AKAP12: variants seen among roughly 807,000 people sequenced by gnomAD.
The protein encoded by AKAP12 is A-kinase anchoring protein 12.
In AKAP12, 32 loss-of-function variants were observed where a neutral mutation model predicts 79.9. The ratio of observed to expected loss-of-function variants is 0.40; its 90% CI spans 0.30 to 0.54. The LOEUF (loss-of-function observed/expected upper bound fraction) is 0.54. AKAP12 is among the 20% of genes least tolerant of loss of function. AKAP12 has a pLI of 0.48. For missense variants in AKAP12, 2,074 were observed against 2,177.0 expected (o/e 0.95, Z 0.94); for synonymous variants, 808 against 857.0 (o/e 0.94, Z 1.00).
intron 2 of AKAP12, among the ~76,000 whole-genome samples, chr6:151,276,197 T>C (rs916696883): frequency 6.6e-6 from 1 of 152,038 alleles, no homozygotes; most frequent in Non-Finnish European, 1.5e-5. Context: ...AAAAAATCTT[T>C]CCATGTTCCT....
intron 3 of AKAP12, among the ~76,000 whole-genome samples, chr6:151,347,407 A>C (rs1033902308): frequency 2.0e-5 from 3 of 152,186 alleles, no homozygotes; most frequent in African/African-American, 7.2e-5. Context: ...GTTAAGTGGG[A>C]AGTTACATCT....
intron 2 of AKAP12, among the ~76,000 whole-genome samples, chr6:151,265,776 T>C (rs1797540320): frequency 1.3e-5 from 2 of 152,200 alleles, no homozygotes; most frequent in Non-Finnish European, 2.9e-5. Flanking sequence ...AGAGGAACCA[T>C]AGTTAATGAT....
intron 2 of AKAP12, among the ~76,000 whole-genome samples, chr6:151,270,842 C>T (rs571385661): frequency 2.0e-4 from 31 of 152,088 alleles, no homozygotes; most frequent in Non-Finnish European, 3.8e-4. Flanking sequence ...CAAACTAAAG[C>T]TAAAAATTAA....
chr6:151,351,490 A>C lies in AKAP12; in HGVS notation c.3099A>C (p.Glu1033Asp). Residue 1033 changes from glutamate (E) to aspartate (D), a missense_variant, in exon 4 of 5, where the codon GAA (glutamate) becomes GAC (aspartate). By Grantham distance (45) the Glu-to-Asp change is conservative. Around this residue, in one of 3 missense-constraint regions of AKAP12, gnomAD observed 1,428 missense variants for 1,451.0 expected, o/e 0.98. Transcript: ENST00000402676. This position sits in a 1 kb window ranked among gnomAD's most constrained non-coding sequence, Gnocchi z 4.4. Reference protein sequence around the residue: ...QEVEGGVPDIEEQERRTQEVL... With the variant: ...QEVEGGVPDIDEQERRTQEVL... Reference sequence around the variant, plus strand: ...TGGAAGGTGGCGTACCTGACATAGAAGAGCAAGAGAGGCGGACTCAAGAGG... The same window carrying C: ...TGGAAGGTGGCGTACCTGACATAGACGAGCAAGAGAGGCGGACTCAAGAGG... The C allele has an allele frequency of 1.2e-6, 2 of 1,614,188 alleles. No homozygotes were observed. The highest frequency in any genetic ancestry group is 1.6e-4 in the Middle Eastern group (1 of 6,062).
In AKAP12 at chr6:151,351,999, G is replaced by C. The variant is rs200932508; in HGVS notation, c.3608G>C (p.Gly1203Ala). 2 of 1,614,078 alleles carry C rather than the reference G, an allele frequency of 1.2e-6. No individual in the cohort carries two copies. Among genetic ancestry groups the C allele is most frequent in the East Asian group, 4.5e-5 (2 of 44,868 alleles). Residue 1203 changes from glycine to alanine, a missense_variant, in exon 4 of 5, where the codon GGT (glycine) becomes GCT (alanine). Physicochemically the swap from Gly to Ala is moderately conservative, Grantham distance 60 (BLOSUM62 0). Transcript: ENST00000402676. This position sits in a 1 kb window ranked among gnomAD's most constrained non-coding sequence, Gnocchi z 4.4. ...CATGAGGAGAATGAGGTCGCATCTG[G>C]TACCCAGTCAGGGGGCACAGAAGCA... ...EIHEENEVAS[G>A]TQSGGTEAEA...
intron 3 of AKAP12, among the ~76,000 whole-genome samples, chr6:151,309,363 C>G (rs1448076917): frequency 6.6e-6 from 1 of 152,076 alleles, no homozygotes; most frequent in African/African-American, 2.4e-5. Context: ...AGGACTGGCC[C>G]ACAGTGGAAT....
chr6:151,289,388 A>G (rs759535454), intron 2 of AKAP12, among the ~76,000 whole-genome samples: 5 of 152,226 alleles, frequency 3.3e-5, no homozygotes, highest in Non-Finnish European at 7.3e-5. Flanking sequence ...TGGGTTATGT[A>G]GTAGTGAATA....
chr6:151,306,037 G>A (rs1313629437), intron 3 of AKAP12, 134 bp downstream of exon 3: 1 of 994,012 alleles, frequency 1.0e-6, no homozygotes, highest in East Asian at 2.7e-5. Context: ...GTTACAAAAG[G>A]AAGTATTTAT....
At chr6:151,268,243 T>G (rs185465163) in intron 2 of AKAP12, among the ~76,000 whole-genome samples, 1 of 152,236 alleles carries the variant, frequency 6.6e-6, no homozygotes, top group East Asian at 1.9e-4. Context: ...AGATGTATTT[T>G]TGTATTTCTA....
intron 3 of AKAP12, among the ~76,000 whole-genome samples, chr6:151,306,241 G>C (rs1045801727): frequency 1.3e-5 from 2 of 152,186 alleles, no homozygotes; most frequent in African/African-American, 4.8e-5. Flanking sequence ...AGAGGAGCCT[G>C]CTATACTTGT....
At chr6:151,265,784 G>A (rs904216055) in intron 2 of AKAP12, among the ~76,000 whole-genome samples, 6 of 152,156 alleles carry the variant, frequency 3.9e-5, no homozygotes, top group African/African-American at 1.4e-4. Flanking sequence ...CATAGTTAAT[G>A]ATGATTATAA....
chr6:151,281,487 GTCT>G (rs1215094750), intron 2 of AKAP12, among the ~76,000 whole-genome samples: 1 of 152,030 alleles, frequency 6.6e-6, no homozygotes, highest in Non-Finnish European at 1.5e-5. Context: ...ATCTTTTGAG[GTCT>G]TCTTATATGC....
At chr6:151,298,529 C>T (rs912633158) in intron 2 of AKAP12, among the ~76,000 whole-genome samples, 1 of 152,144 alleles carries the variant, frequency 6.6e-6, no homozygotes. Context: ...CGAGGTGGCT[C>T]ACACCTGTAA....
intron 3 of AKAP12, among the ~76,000 whole-genome samples, chr6:151,318,458 T>A (rs1777284501): frequency 6.6e-6 from 1 of 152,254 alleles, no homozygotes; most frequent in Non-Finnish European, 1.5e-5. Context: ...TAGGATTCTT[T>A]GTCAGTGTTA....
intron 2 of AKAP12, among the ~76,000 whole-genome samples, chr6:151,267,669 A>G (rs894851334): frequency 2.0e-5 from 3 of 152,232 alleles, no homozygotes; most frequent in Non-Finnish European, 4.4e-5. Flanking sequence ...TTTTGTGTCT[A>G]TAGTTATTAT....
At chr6:151,343,699 G>A (rs953177650) in intron 3 of AKAP12, among the ~76,000 whole-genome samples, 1 of 152,092 alleles carries the variant, frequency 6.6e-6, no homozygotes, top group Non-Finnish European at 1.5e-5. Flanking sequence ...CAGGAGAATC[G>A]CTTGAACCCA....
At chr6:151,318,100 C>G (rs553392989) in intron 3 of AKAP12, among the ~76,000 whole-genome samples, 34 of 151,976 alleles carry the variant, frequency 2.2e-4, no homozygotes, top group African/African-American at 8.2e-4. Flanking sequence ...GGAGGGAAAG[C>G]CTTTGTGAGG....
rs182612299 is a variant in AKAP12, at chr6:151,286,590, A to G, written c.163-19157A>G. Among the ~76,000 whole-genome samples, 1,089 of 152,358 alleles carry G rather than the reference A, an allele frequency of 7.1e-3. 6 individuals are homozygous for G. The highest frequency in any genetic ancestry group is 0.011 in the Non-Finnish European group (725 of 68,034). ...TGTTTCACTAGCAGTTATAGTCTAT[A>G]CTTCTTGAAATCATTTAGTTTGCTT... On this transcript the variant is annotated intron_variant, in intron 2 of 4. Coordinates refer to ENST00000402676, the MANE Select transcript of AKAP12 (RefSeq NM_005100.4).
intron 2 of AKAP12, among the ~76,000 whole-genome samples, chr6:151,271,575 G>A (rs1446985737): frequency 6.6e-6 from 1 of 151,954 alleles, no homozygotes; most frequent in Non-Finnish European, 1.5e-5. Flanking sequence ...GCCCACCTCG[G>A]CCTCCCAAAG....
Sources: allele counts gnomAD v4.1 joint callset (sites outside exome capture counted in the v4.1 genomes callset), GRCh38; gene constraint gnomAD v4.1.1; regional missense constraint gnomAD v4.1.1; non-coding constraint Gnocchi (gnomAD v3.1); transcripts MANE v1.5; gene names NCBI Gene and HGNC (gene_info 2026-07-23, HGNC 2026-07-21).